The following R3HDM2 variants were observed in gnomAD, a reference collection of about 807,000 sequenced individuals.
R3HDM2 encodes R3H domain containing 2.
A neutral mutation model predicts 124.5 loss-of-function variants in R3HDM2; 38 were observed. The ratio of observed to expected loss-of-function variants is 0.31; its 90% CI spans 0.24 to 0.40. The LOEUF (loss-of-function observed/expected upper bound fraction) is 0.40, where lower values mean the gene tolerates loss of function less well. R3HDM2 is among the 10% of genes least tolerant of loss of function. R3HDM2 has a pLI of 1.00. For synonymous variants in R3HDM2, 391 were observed against 448.0 expected (o/e 0.87, Z 1.61); for missense variants, 869 against 1,236.9 (o/e 0.70, Z 4.46).
chr12:57,422,880 A>T (rs2070344394), intron 1 of R3HDM2, among the ~76,000 whole-genome samples: 1 of 152,104 alleles, frequency 6.6e-6, no homozygotes, highest in African/African-American at 2.4e-5. Flanking sequence ...GCTACTTGGG[A>T]GCCTTGAGCC....
At chr12:57,424,201 C>T (rs2070487125) in intron 1 of R3HDM2, among the ~76,000 whole-genome samples, 1 of 149,254 alleles carries the variant, frequency 6.7e-6, no homozygotes, top group African/African-American at 2.5e-5. Context: ...TACAGTGCTA[C>T]AGGCTGGAGT....
intron 2 of R3HDM2, among the ~76,000 whole-genome samples, chr12:57,356,605 T>C (rs2061327331): frequency 6.6e-6 from 1 of 152,222 alleles, no homozygotes; most frequent in African/African-American, 2.4e-5. Context: ...TAATATGAGT[T>C]GGGAAGTGTT....
chr12:57,359,879 T>A (rs1411067677), intron 2 of R3HDM2, among the ~76,000 whole-genome samples: 3 of 151,674 alleles, frequency 2.0e-5, no homozygotes, highest in Non-Finnish European at 4.4e-5. Flanking sequence ...TCATAATCTA[T>A]ATTAAAGTAA....
At chr12:57,388,493 TTCTA>T (rs2066190153) in intron 2 of R3HDM2, among the ~76,000 whole-genome samples, 1 of 152,186 alleles carries the variant, frequency 6.6e-6, no homozygotes, top group Non-Finnish European at 1.5e-5. Flanking sequence ...TTGCTGGGGA[TTCTA>T]TAAGATGGTG....
At chr12:57,317,902 C>A (rs1188122590) in intron 2 of R3HDM2, among the ~76,000 whole-genome samples, 2 of 150,842 alleles carry the variant, frequency 1.3e-5, no homozygotes, top group African/African-American at 4.9e-5. Context: ...ATCACTTGAA[C>A]CTGGGAGGCA....
At chr12:57,430,582 C>T in intron 1 of R3HDM2, 138 bp downstream of exon 1, 1 of 985,160 alleles carries the variant, frequency 1.0e-6, no homozygotes, top group South Asian at 4.7e-5. Context: ...CGACCCTGAC[C>T]CATCGTCCCC....
intron 2 of R3HDM2, among the ~76,000 whole-genome samples, chr12:57,365,346 T>C (rs1003061032): frequency 8.5e-5 from 13 of 152,228 alleles, no homozygotes; most frequent in African/African-American, 2.9e-4. Context: ...ACCTCTTTAA[T>C]GGCCTTCTGT....
chr12:57,277,105 A>C (rs1185416018), intron 14 of R3HDM2, among the ~76,000 whole-genome samples: 1 of 151,554 alleles, frequency 6.6e-6, no homozygotes, highest in Non-Finnish European at 1.5e-5. Flanking sequence ...TGAACAAAAA[A>C]AAAAAAAAAA....
At chr12:57,421,030 C>T (rs1341398837) in intron 1 of R3HDM2, among the ~76,000 whole-genome samples, 2 of 152,090 alleles carry the variant, frequency 1.3e-5, no homozygotes, top group South Asian at 4.2e-4. Context: ...AAGTCACTAT[C>T]CACCTTAGCA....
chr12:57,256,836 T>C (rs1015330077), intron 21 of R3HDM2, among the ~76,000 whole-genome samples: 4 of 151,928 alleles, frequency 2.6e-5, no homozygotes, highest in African/African-American at 7.3e-5. Context: ...TTTTTTTTTT[T>C]TGAGACAGAG....
intron 10 of R3HDM2, among the ~76,000 whole-genome samples, chr12:57,293,803 C>T (rs947001968): frequency 9.2e-5 from 14 of 152,216 alleles, no homozygotes; most frequent in African/African-American, 3.4e-4. Flanking sequence ...GTAACCATAA[C>T]TTCAAGAATA....
chr12:57,406,340 A>C lies in R3HDM2; in HGVS notation c.-105-10522T>G, dbSNP rs1594539883. 4.6e-5 allele frequency among the ~76,000 whole-genome samples: 7 copies of C among 151,660 alleles called. No individual in the cohort carries two copies. In the East Asian group the frequency reaches 9.7e-4, roughly 21 times the overall value. ...CCGTCTCAAAAAAAAAAAAAAAAAA[A>C]CTGAAATTGGCTTAAACACATTAAA... On this transcript the variant is annotated intron_variant, in intron 1 of 23. Coordinates refer to ENST00000402412, the MANE Select transcript of R3HDM2 (RefSeq NM_001394031.1).
rs140343960 is a variant in R3HDM2 at position 57,283,630 on chromosome 12, T to A, written c.1171+194A>T. 5.9e-5 allele frequency among the ~76,000 whole-genome samples: 9 copies of A among 152,168 alleles called. No homozygotes were observed. The East Asian group carries it at 1.7e-3, about 29-fold the overall frequency. On this transcript the variant is annotated intron_variant, in intron 13 of 23. Coordinates refer to ENST00000402412, the MANE Select transcript of R3HDM2 (RefSeq NM_001394031.1). Reference sequence around the variant, plus strand: ...GGCGCATGCCTGTAATCCCAGCTATTCAAGCGGCTGAGGCAGGAGAATCAC... The same window carrying A: ...GGCGCATGCCTGTAATCCCAGCTATACAAGCGGCTGAGGCAGGAGAATCAC...
At chr12:57,411,071 A>T (rs1181624873) in intron 1 of R3HDM2, among the ~76,000 whole-genome samples, 1 of 152,226 alleles carries the variant, frequency 6.6e-6, no homozygotes, top group African/African-American at 2.4e-5. Context: ...CACATAAAAC[A>T]AAAGAATATA....
At chr12:57,428,648 GAAC>G (rs951532127) in intron 1 of R3HDM2, among the ~76,000 whole-genome samples, 20 of 151,878 alleles carry the variant, frequency 1.3e-4, no homozygotes, top group Middle Eastern at 3.2e-3. Flanking sequence ...TAGCGAGAAA[GAAC>G]AACAACAACA....
At chr12:57,378,801 T>G (rs934354294) in intron 2 of R3HDM2, among the ~76,000 whole-genome samples, 3 of 152,224 alleles carry the variant, frequency 2.0e-5, no homozygotes, top group East Asian at 1.9e-4. Flanking sequence ...GCAGCACTAT[T>G]CATAATAGCT....
At chr12:57,285,010 C>A (rs1218214525) in intron 12 of R3HDM2, among the ~76,000 whole-genome samples, 1 of 152,182 alleles carries the variant, frequency 6.6e-6, no homozygotes, top group Non-Finnish European at 1.5e-5. Flanking sequence ...AGCAATTTTT[C>A]TTTCATACCC....
At position 57,295,420 on chromosome 12, in the gene R3HDM2, A is replaced by G; in HGVS notation, c.789T>C (p.Ser263=). 1 of 1,551,238 alleles carries G rather than the reference A, an allele frequency of 6.4e-7. No individual in the cohort carries two copies. The highest frequency in any genetic ancestry group is 8.7e-7 in the Non-Finnish European group (1 of 1,146,670). Residue 263 remains serine (S), a synonymous_variant, in exon 10 of 24, where the codon AGT becomes AGC. Transcript: ENST00000402412. ...QRFILKRDDA[S]MDRDDNQIRV... ...TCACCTGGTTATCATCTCGGTCCAT[A>G]CTGGCATCATCTCTCTTGAGAATGA...
intron 2 of R3HDM2, among the ~76,000 whole-genome samples, chr12:57,373,659 C>T (rs1406964277): frequency 6.6e-6 from 1 of 150,516 alleles, no homozygotes; most frequent in Non-Finnish European, 1.5e-5. Flanking sequence ...AAAATACAAA[C>T]TTAGCGGGGG....
Sources: allele counts gnomAD v4.1 joint callset (sites outside exome capture counted in the v4.1 genomes callset), GRCh38; gene constraint gnomAD v4.1.1; transcripts MANE v1.5; gene names NCBI Gene and HGNC (gene_info 2026-07-23, HGNC 2026-07-21).